AASS: variants seen among roughly 807,000 people sequenced by gnomAD.
The protein encoded by AASS is aminoadipate-semialdehyde synthase.
A neutral mutation model predicts 105.4 loss-of-function variants in AASS; 86 were observed. The ratio of observed to expected loss-of-function variants is 0.82; its 90% CI spans 0.69 to 0.98. The LOEUF is 0.98. Ranked by LOEUF, AASS falls within the 50% of genes least tolerant of loss-of-function variation. AASS has a pLI of 0.00. For missense variants in AASS, 1,048 were observed against 1,143.2 expected (o/e 0.92, Z 1.20); for synonymous variants, 381 against 394.8 (o/e 0.96, Z 0.41).
chr7:122,078,858 C>G lies in AASS; in HGVS notation c.2485+4G>C. ...GTATATTTAGCTAATACTTCATGGC[C>G]TACCATAGGAAAGCTTCATGACCAA... is the stretch of plus-strand genomic sequence containing the variant. On this transcript the variant is annotated splice_donor_region_variant and intron_variant, in intron 22 of 23. Coordinates refer to ENST00000417368, the MANE Select transcript of AASS (RefSeq NM_005763.4). 2 of 1,612,782 alleles carry G rather than the reference C, an allele frequency of 1.2e-6. No individual in the cohort carries two copies. Among genetic ancestry groups the G allele is most frequent in the Non-Finnish European group, 1.7e-6 (2 of 1,178,890 alleles).
intron 17 of AASS, 135 bp downstream of exon 17, chr7:122,092,708 G>C: frequency 1.3e-6 from 1 of 754,648 alleles, no homozygotes; most frequent in Non-Finnish European, 2.3e-6. Flanking sequence ...TGGGCAACAA[G>C]AGCAAAACTC....
chr7:122,135,812 A>T (rs1464173267), intron 1 of AASS, among the ~76,000 whole-genome samples: 1 of 152,166 alleles, frequency 6.6e-6, no homozygotes, highest in Non-Finnish European at 1.5e-5. Flanking sequence ...AAATTAAAGA[A>T]ATTAAAGTGA....
At chr7:122,123,626 C>T (rs78015287) in intron 4 of AASS, among the ~76,000 whole-genome samples, 1,871 of 152,264 alleles carry the variant, frequency 0.012, 20 homozygotes, top group Non-Finnish European at 0.019. Context: ...GATTCTTGGT[C>T]ACATCCTTAG....
chr7:122,129,192 A>G (rs995536011), intron 3 of AASS, among the ~76,000 whole-genome samples, 169 bp downstream of exon 3: 5 of 152,298 alleles, frequency 3.3e-5, no homozygotes, highest in African/African-American at 9.6e-5. Flanking sequence ...AAATTGGTAA[A>G]TTGTTTAGGG....
At chr7:122,098,992 C>G in intron 13 of AASS, 126 bp from the exon 14 acceptor site, 24 of 1,009,870 alleles carry the variant, frequency 2.4e-5, no homozygotes, top group Middle Eastern at 3.3e-4. Context: ...ATTTTCTCTT[C>G]ACATTACTTA....
intron 19 of AASS, among the ~76,000 whole-genome samples, chr7:122,083,588 A>G (rs1357543684): frequency 6.6e-6 from 1 of 152,090 alleles, no homozygotes; most frequent in East Asian, 1.9e-4. Context: ...AGTCCATGGT[A>G]AGCAAAAATG....
intron 11 of AASS, among the ~76,000 whole-genome samples, chr7:122,112,247 A>T (rs1269374792): frequency 6.6e-6 from 1 of 152,222 alleles, no homozygotes; most frequent in Admixed American, 6.5e-5. Flanking sequence ...AAATATATTT[A>T]GTACTTTGAA....
chr7:122,080,400 G>A (rs1048044534), intron 20 of AASS, among the ~76,000 whole-genome samples: 8 of 152,146 alleles, frequency 5.3e-5, no homozygotes, highest in African/African-American at 1.9e-4. Context: ...GACAGAGACC[G>A]TGTGGCCCAT....
chr7:122,084,486 C>A (rs73224315), intron 19 of AASS, among the ~76,000 whole-genome samples: 118 of 152,058 alleles, frequency 7.8e-4, no homozygotes, highest in Non-Finnish European at 1.5e-3. Flanking sequence ...GGCAGGTGAA[C>A]CTGGAAGACA....
intron 13 of AASS, among the ~76,000 whole-genome samples, chr7:122,100,750 TTAAG>T (rs1274449687): frequency 2.0e-5 from 3 of 151,864 alleles, no homozygotes; most frequent in African/African-American, 7.2e-5. Flanking sequence ...TTTTCAAACT[TTAAG>T]TAGTAAAATC....
chr7:122,128,631 T>C (rs534184592), intron 3 of AASS, among the ~76,000 whole-genome samples: 1 of 152,356 alleles, frequency 6.6e-6, no homozygotes, highest in African/African-American at 2.4e-5. Context: ...CTTTACTCTT[T>C]GGCTCTTTCC....
chr7:122,076,331 C>A lies in AASS; in HGVS notation c.*158G>T. 3.2e-6 allele frequency: 2 copies of A among 628,018 alleles called. No homozygotes were observed. The highest frequency in any genetic ancestry group is 5.7e-6 in the Non-Finnish European group (2 of 353,868). 38.9% of individuals were successfully genotyped at this position (628,018 alleles called of 1,614,324 possible). ...CTTGCATCTCCTGTTCCAAACATTTCCATATTAAAATAAAGATTTATAGTT... is the reference window on the plus strand; with the variant it reads ...CTTGCATCTCCTGTTCCAAACATTTACATATTAAAATAAAGATTTATAGTT... On this transcript the variant is annotated 3_prime_UTR_variant, in exon 24 of 24. Transcript: ENST00000417368.
Position 122,079,649 on chromosome 7 carries a change from C to G in AASS, c.2344G>C (p.Ala782Pro). 1 of 1,614,052 alleles carries G rather than the reference C, an allele frequency of 6.2e-7. No individual in the cohort carries two copies. ...PSSEHDVLKEAVLKKLGGDNT... is the reference protein window; with the variant it reads ...PSSEHDVLKEPVLKKLGGDNT... Reference sequence around the variant, plus strand: ...TCTCCTCCTAGTTTCTTAAGAACAGCTTCCTTCAACACATCATGCTCAGAG... The same window carrying G: ...TCTCCTCCTAGTTTCTTAAGAACAGGTTCCTTCAACACATCATGCTCAGAG... The change falls in exon 21 of 24, where the codon GCT (alanine) becomes CCT (proline). Residue 782 changes from alanine to proline, a missense_variant. By Grantham distance (27) the Ala-to-Pro change is conservative. Transcript: ENST00000417368.
intron 21 of AASS, chr7:122,079,165 G>A: frequency 1.4e-6 from 2 of 1,446,372 alleles, no homozygotes; most frequent in South Asian, 2.9e-5. Context: ...ACTGCTCCCT[G>A]GAGCAGGGCA....
intron 1 of AASS, among the ~76,000 whole-genome samples, chr7:122,136,647 C>A (rs1028459279): frequency 4.6e-5 from 7 of 152,266 alleles, no homozygotes; most frequent in African/African-American, 1.2e-4. Context: ...ATAGTGATTC[C>A]TTTGAACATA....
intron 23 of AASS, among the ~76,000 whole-genome samples, chr7:122,077,145 G>C (rs186684374): frequency 2.6e-5 from 4 of 152,166 alleles, no homozygotes; most frequent in Admixed American, 2.6e-4. Context: ...GACATTAGCT[G>C]ATATGCTACT....
intron 20 of AASS, 75 bp downstream of exon 20, chr7:122,081,425 G>T: frequency 8.7e-7 from 1 of 1,147,540 alleles, no homozygotes. Context: ...CAGATCCAAA[G>T]CAGAGTTCAC....
chr7:122,133,390 T>C, intron 2 of AASS, 127 bp downstream of exon 2: 4 of 1,075,518 alleles, frequency 3.7e-6, no homozygotes, highest in South Asian at 1.3e-5. Context: ...AGGGTGAAAA[T>C]AATACTTTTA....
rs1342693847 is a variant in AASS at position 122,075,486 on chromosome 7, G to A, written c.*1003C>T. Among the ~76,000 whole-genome samples the A allele has an allele frequency of 5.9e-5, 9 of 152,196 alleles. No individual in the cohort carries two copies. The stretch of plus-strand genomic sequence containing the variant: ...AAGTTGAATAGAAATGGCCAAAGCA[G>A]ACATCCTTGTCTTGTTTCTGATCTC... On this transcript the variant is annotated 3_prime_UTR_variant, in exon 24 of 24. Coordinates refer to ENST00000417368, the MANE Select transcript of AASS (RefSeq NM_005763.4).
Sources: allele counts gnomAD v4.1 joint callset (sites outside exome capture counted in the v4.1 genomes callset), GRCh38; gene constraint gnomAD v4.1.1; transcripts MANE v1.5; gene names NCBI Gene and HGNC (gene_info 2026-07-23, HGNC 2026-07-21).